GNA13: variants seen among roughly 807,000 people sequenced by gnomAD.
GNA13 encodes guanine nucleotide-binding protein subunit alpha-13.
A neutral mutation model predicts 33.5 loss-of-function variants in GNA13; 4 were observed. That is an observed-to-expected ratio of 0.12 (90% CI 0.06 to 0.27). The LOEUF (loss-of-function observed/expected upper bound fraction) is 0.27. Ranked by LOEUF, GNA13 falls within the 10% of genes least tolerant of loss-of-function variation. The pLI is 1.00. For missense variants in GNA13, 319 were observed against 487.2 expected, an observed-to-expected ratio of 0.65 and a Z score of 3.25; for synonymous variants, 176 against 183.8, an observed-to-expected ratio of 0.96 and a Z score of 0.34.
At chr17:65,023,125 GC>G (rs1906645562) in intron 2 of GNA13, among the ~76,000 whole-genome samples, 1 of 152,246 alleles carries the variant, frequency 6.6e-6, no homozygotes, top group Admixed American at 6.5e-5. Flanking sequence ...AATGAGTACA[GC>G]CTAAACTGGA....
chr17:65,025,960 C>A (rs1349468722), intron 2 of GNA13, among the ~76,000 whole-genome samples: 1 of 151,832 alleles, frequency 6.6e-6, no homozygotes, highest in African/African-American at 2.4e-5. Flanking sequence ...CACTCTCCAT[C>A]GTTTTACGTG....
At chr17:65,035,361 G>A (rs571108002) in intron 2 of GNA13, among the ~76,000 whole-genome samples, 9 of 152,254 alleles carry the variant, frequency 5.9e-5, no homozygotes, top group African/African-American at 1.4e-4. Flanking sequence ...TGCTCATGAT[G>A]CAACATTAAA....
rs560270302 is a variant in GNA13, at chr17:65,016,632, G to A, written c.561+1621C>T. On this transcript the variant is annotated intron_variant, in intron 3 of 3. Transcript: ENST00000439174. ...CCGCCTCAGCCTCCCAATGTGCTCG[G>A]ATTATAGGCGTGAGCCACTGCACCC... Among the ~76,000 whole-genome samples, 249 of 152,326 alleles carry A rather than the reference G, an allele frequency of 1.6e-3. 3 individuals are homozygous for A. Among genetic ancestry groups the A allele is most frequent in the Middle Eastern group, 3.4e-3 (1 of 294 alleles).
At chr17:65,018,131 A>AG (rs1906444855) in intron 3 of GNA13, 122 bp downstream of exon 3, 2 of 223,372 alleles carry the variant, frequency 9.0e-6, no homozygotes, top group Non-Finnish European at 1.8e-5. Context: ...AAAAAAAAAA[A>AG]AAAAAAAAGA....
intron 2 of GNA13, chr17:65,051,966 T>C (rs755048374): frequency 1.3e-5 from 2 of 152,216 alleles, no homozygotes; most frequent in African/African-American, 4.8e-5. Context: ...AATTCAGATA[T>C]AGTCAAAATT....
intron 3 of GNA13, among the ~76,000 whole-genome samples, chr17:65,017,604 GCCAGCTTAGAGCTGCTGGCT>G (rs1906415266): frequency 6.6e-6 from 1 of 152,182 alleles, no homozygotes; most frequent in Non-Finnish European, 1.5e-5. Context: ...TGGCCACAGC[GCCAGCTTAGAGCTGCTGGCT>G]CCGAGGAATA....
chr17:65,053,686 G>A lies in GNA13; in HGVS notation c.326C>T (p.Pro109Leu), dbSNP rs377750035. ...TTGTTGGTTTGAGTTGTCTCCCCAG[G>A]GAATATGAAGCTTCTCTCGAGCATC... ...LVDAREKLHI[P>L]WGDNSNQQHG... Residue 109 changes from proline to leucine, a missense_variant, in exon 2 of 4, where the codon CCC (proline) becomes CTC (leucine). Physicochemically the swap from Pro to Leu is moderately conservative, Grantham distance 98 (BLOSUM62 -3). This residue lies in a region of GNA13 where 136 missense variants were observed against 159.3 expected (regional missense o/e 0.85). Transcript: ENST00000439174. 6.2e-7 allele frequency: 1 copy of A among 1,613,726 alleles called. No homozygotes were observed. The highest frequency in any genetic ancestry group is 8.5e-7 in the Non-Finnish European group (1 of 1,179,786).
intron 2 of GNA13, among the ~76,000 whole-genome samples, chr17:65,052,646 C>T (rs930369259): frequency 3.9e-5 from 6 of 152,208 alleles, no homozygotes; most frequent in Non-Finnish European, 8.8e-5. Context: ...TTTGTTTCAA[C>T]TGTATTCTGT....
At chr17:65,043,145 C>T (rs918215247) in intron 2 of GNA13, among the ~76,000 whole-genome samples, 1 of 152,098 alleles carries the variant, frequency 6.6e-6, no homozygotes, top group African/African-American at 2.4e-5. Flanking sequence ...GAGTGGCAGC[C>T]GGAAGACGAA....
chr17:65,026,019 C>T lies in GNA13; in HGVS notation c.511-7716G>A, dbSNP rs1452734403. On this transcript the variant is annotated intron_variant, in intron 2 of 3. Coordinates refer to ENST00000439174, the MANE Select transcript of GNA13 (RefSeq NM_006572.6). Reference sequence around the variant, plus strand: ...TATGATGAAAACAGCAGATAAGACACAACAAAAAAAATTATAAGTAATGTA... The same window carrying T: ...TATGATGAAAACAGCAGATAAGACATAACAAAAAAAATTATAAGTAATGTA... Among the ~76,000 whole-genome samples, 22 of 151,390 alleles carry T rather than the reference C, an allele frequency of 1.5e-4. No individual in the cohort carries two copies. In the South Asian group the frequency reaches 4.6e-3, roughly 32 times the overall value.
intron 2 of GNA13, 70 bp downstream of exon 2, chr17:65,053,432 G>C: frequency 3.2e-6 from 3 of 945,364 alleles, no homozygotes; most frequent in Non-Finnish European, 5.1e-6. Flanking sequence ...TTCGCATTAG[G>C]GATGTGCAAC....
chr17:65,034,677 C>T (rs778688618), intron 2 of GNA13, among the ~76,000 whole-genome samples: 11 of 152,044 alleles, frequency 7.2e-5, no homozygotes, highest in African/African-American at 1.2e-4. Flanking sequence ...AAATGTACAA[C>T]GCAGTTTAGT....
chr17:65,046,461 T>C (rs1041087340), intron 2 of GNA13, among the ~76,000 whole-genome samples: 1 of 152,136 alleles, frequency 6.6e-6, no homozygotes, highest in African/African-American at 2.4e-5. Context: ...TGGCTAATTT[T>C]TAAAATTATT....
At position 65,009,967 on chromosome 17, in the gene GNA13, T is replaced by A. The variant is rs1298013151; in HGVS notation, c.*4290A>T. ...TCAGTGATATTCACTGACTGAAATT[T>A]TATGCACACTGAGTTCCAGCATACT... On this transcript the variant is annotated 3_prime_UTR_variant, in exon 4 of 4. Transcript: ENST00000439174. Among the ~76,000 whole-genome samples, 2 of 152,212 alleles carry A rather than the reference T, an allele frequency of 1.3e-5. No homozygotes were observed. The highest frequency in any genetic ancestry group is 4.8e-5 in the African/African-American group (2 of 41,452).
At chr17:65,016,079 C>G (rs1906359105) in intron 3 of GNA13, among the ~76,000 whole-genome samples, 1 of 152,184 alleles carries the variant, frequency 6.6e-6, no homozygotes, top group African/African-American at 2.4e-5. Flanking sequence ...AAGTCTCTGG[C>G]TACTCTGTGA....
chr17:65,050,810 A>G (rs1411843119), intron 2 of GNA13, among the ~76,000 whole-genome samples: 1 of 152,198 alleles, frequency 6.6e-6, no homozygotes, highest in Non-Finnish European at 1.5e-5. Context: ...GAAGTTTAAA[A>G]TTAGGTCTTG....
intron 2 of GNA13, among the ~76,000 whole-genome samples, chr17:65,027,123 A>C (rs1392914919): frequency 6.6e-6 from 1 of 152,180 alleles, no homozygotes; most frequent in Non-Finnish European, 1.5e-5. Context: ...CTGAAGCAGA[A>C]GGAAAGAAAC....
chr17:65,053,522 G>A lies in GNA13; in HGVS notation c.490C>T (p.Arg164Trp), dbSNP rs768361426. The part of the protein sequence containing the change: ...ADSGIQNAYD[R>W]RREFQLGESV... ...CTTACCAGTTGAAATTCTCGACGCC[G>A]GTCATAGGCATTCTGTATGCCGCTG... Residue 164 changes from arginine (R) to tryptophan (W), a missense_variant, in exon 2 of 4, where the codon CGG becomes TGG. Arg to Trp is a moderately radical substitution (Grantham distance 101, BLOSUM62 -3). Transcript: ENST00000439174. 3.7e-6 allele frequency: 6 copies of A among 1,605,418 alleles called. No individual in the cohort carries two copies. The highest frequency in any genetic ancestry group is 5.1e-6 in the Non-Finnish European group (6 of 1,172,154).
At chr17:65,043,399 G>A (rs1276958208) in intron 2 of GNA13, among the ~76,000 whole-genome samples, 1 of 151,536 alleles carries the variant, frequency 6.6e-6, no homozygotes, top group Non-Finnish European at 1.5e-5. Context: ...CAGTCCTCTT[G>A]TTTCAGACCC....
Sources: allele counts gnomAD v4.1 joint callset (sites outside exome capture counted in the v4.1 genomes callset), GRCh38; gene constraint gnomAD v4.1.1; regional missense constraint gnomAD v4.1.1; transcripts MANE v1.5; gene names NCBI Gene and HGNC (gene_info 2026-07-23, HGNC 2026-07-21).